Variants in ALDH3A2 observed in about 807,000 individuals in gnomAD.
ALDH3A2 encodes aldehyde dehydrogenase family 3 member A2.
ALDH3A2 carries 36 observed loss-of-function variants against 51.3 expected under a neutral mutation model. That is an observed-to-expected ratio of 0.70 (90% CI 0.54 to 0.93). ALDH3A2 has a LOEUF of 0.93. ALDH3A2 is among the 40% of genes least tolerant of loss of function. ALDH3A2 has a pLI of 0.00. For missense variants in ALDH3A2, 552 were observed against 603.1 expected (o/e 0.92, Z 0.89); for synonymous variants, 199 against 219.8 (o/e 0.91, Z 0.84).
At chr17:19,651,460 A>G in intron 1 of ALDH3A2, 87 bp from the exon 2 acceptor site, 2 of 1,111,174 alleles carry the variant, frequency 1.8e-6, no homozygotes, top group Non-Finnish European at 1.4e-6. Context: ...TTGTCACTAC[A>G]GGTGTACCTG....
intron 3 of ALDH3A2, 120 bp from the exon 4 acceptor site, chr17:19,656,246 A>T: frequency 4.4e-6 from 4 of 906,024 alleles, no homozygotes; most frequent in Non-Finnish European, 7.1e-6. Flanking sequence ...CCTCACAGGG[A>T]CTGGTCTTGA....
At chr17:19,673,125 A>T (rs367995821) in intron 9 of ALDH3A2, 1 of 1,614,006 alleles carries the variant, frequency 6.2e-7, no homozygotes, top group East Asian at 2.2e-5. Flanking sequence ...TACCAGTTGC[A>T]TTTGAAATCA....
rs1445799538 is a variant in ALDH3A2 at position 19,677,273 on chromosome 17, A to G, written c.*1701A>G. ...ATAATTTGTTCTATTAAGGCTGTCT[A>G]AAGTATGTGATGTCTTCATCATAGT... On this transcript the variant is annotated 3_prime_UTR_variant, in exon 10 of 10. Transcript: ENST00000176643. 28 of 152,262 alleles carry G rather than the reference A, an allele frequency of 1.8e-4. No homozygotes were observed. The highest frequency in any genetic ancestry group is 1.8e-3 in the Admixed American group (27 of 15,290). 9.4% of individuals were successfully genotyped at this position (152,262 alleles called of 1,614,324 possible).
chr17:19,670,642 A>G (rs1248691236), intron 8 of ALDH3A2, among the ~76,000 whole-genome samples: 1 of 150,736 alleles, frequency 6.6e-6, no homozygotes, highest in African/African-American at 2.5e-5. Context: ...AGCTCACTGC[A>G]ACCTCCGCCT....
At chr17:19,661,365 A>G in intron 6 of ALDH3A2, 97 bp downstream of exon 6, 1 of 1,402,384 alleles carries the variant, frequency 7.1e-7, no homozygotes, top group Non-Finnish European at 1.0e-6. Flanking sequence ...AATATATAGC[A>G]TTTAATTGTT....
At chr17:19,658,323 A>T (rs111822011) in intron 5 of ALDH3A2, among the ~76,000 whole-genome samples, 1 of 152,320 alleles carries the variant, frequency 6.6e-6, no homozygotes, top group Admixed American at 6.5e-5. Flanking sequence ...TATATAATTA[A>T]CAATCTTTCA....
chr17:19,675,327 T>A, intron 9 of ALDH3A2: 1 of 562,920 alleles, frequency 1.8e-6, no homozygotes, highest in Non-Finnish European at 3.2e-6. Context: ...CATTATCACG[T>A]TGTCTTACTC....
intron 9 of ALDH3A2, 52 bp from the exon 10 acceptor site, chr17:19,675,506 G>A (rs1567609105): frequency 1.3e-6 from 2 of 1,597,236 alleles, no homozygotes; most frequent in Admixed American, 1.7e-5. Flanking sequence ...GCTGGTTGTG[G>A]GTAGGTTTTT....
At chr17:19,656,651 T>A in intron 4 of ALDH3A2, 77 bp downstream of exon 4, 1 of 1,340,970 alleles carries the variant, frequency 7.5e-7, no homozygotes, top group Non-Finnish European at 1.0e-6. Context: ...CTCTTTGTAC[T>A]TGAACCCCAT....
Position 19,675,984 on chromosome 17 carries a change from G to A in ALDH3A2, c.*412G>A. 3.8e-6 allele frequency: 1 copy of A among 263,250 alleles called. No homozygotes were observed. Among genetic ancestry groups the A allele is most frequent in the Non-Finnish European group, 7.4e-6 (1 of 135,816 alleles). 16.3% of individuals were successfully genotyped at this position (263,250 alleles called of 1,614,324 possible). A position where few individuals can be genotyped will look rare whatever the true frequency, so the allele number is the denominator to read the frequency against. ...TTTCAAGAGCTTGGTACTTCCCAGG[G>A]CTACCGGCAGTCCTCTGTAGTCCAG... On this transcript the variant is annotated 3_prime_UTR_variant, in exon 10 of 10. Coordinates refer to ENST00000176643, the MANE Select transcript of ALDH3A2 (RefSeq NM_000382.3).
Position 19,651,732 on chromosome 17 carries a change from C to T in ALDH3A2, c.339C>T (p.Tyr113=), listed in dbSNP as rs1323415229. ...GVVLIIGAWN[Y]PFVLTIQPLI... ...TGCTGATAATCGGAGCTTGGAATTA[C>T]CCCTTCGTTCTCACCATTCAGCCAC... The change falls in exon 2 of 10, where the codon TAC becomes TAT. Residue 113 remains tyrosine, a synonymous_variant. Transcript: ENST00000176643. The T allele has an allele frequency of 1.1e-5, 18 of 1,614,064 alleles. No individual in the cohort carries two copies. The highest frequency in any genetic ancestry group is 1.4e-5 in the Non-Finnish European group (16 of 1,180,042).
rs1169541340 is a variant in ALDH3A2, at chr17:19,649,197, GTTTTGTTTTTGCT to G, written c.153+77_153+89del. On this transcript the variant is annotated intron_variant, in intron 1 of 9. Transcript: ENST00000176643. ...ACTTGTGGACTGGAGCTTCGGCTGG[GTTTTGTTTTTGCT>G]TTTACATTTCGGATTACTCCAGCAC... 5 of 1,516,462 alleles carry G rather than the reference GTTTTGTTTTTGCT, an allele frequency of 3.3e-6. No homozygotes were observed. In the African/African-American group the frequency reaches 6.9e-5, roughly 21 times the overall value. The allele number at this position is 1,516,462 out of a possible 1,614,324, so 93.9% of individuals were successfully genotyped here. A position where few individuals can be genotyped will look rare whatever the true frequency, so the allele number is the denominator to read the frequency against.
chr17:19,668,639 T>C (rs2085071452), intron 8 of ALDH3A2, among the ~76,000 whole-genome samples: 1 of 77,926 alleles, frequency 1.3e-5, no homozygotes, highest in Non-Finnish European at 2.9e-5. Flanking sequence ...AAATATCATC[T>C]GTAGGCTGGG....
intron 8 of ALDH3A2, among the ~76,000 whole-genome samples, chr17:19,670,424 C>G (rs2085096476): frequency 6.6e-6 from 1 of 152,098 alleles, no homozygotes; most frequent in South Asian, 2.1e-4. Context: ...GTTGACCAGG[C>G]TGGAATGCAG....
At chr17:19,651,515 C>T in intron 1 of ALDH3A2, 32 bp from the exon 2 acceptor site, 2 of 1,565,316 alleles carry the variant, frequency 1.3e-6, no homozygotes, top group Non-Finnish European at 1.8e-6. Flanking sequence ...CATACTTACT[C>T]TGCAAGATTA....
rs1323515892 is a variant in ALDH3A2, at chr17:19,676,831, C to T, written c.*1259C>T. On this transcript the variant is annotated 3_prime_UTR_variant, in exon 10 of 10. Coordinates refer to ENST00000176643, the MANE Select transcript of ALDH3A2 (RefSeq NM_000382.3). ...GAGAGATCCCTTTCTGATTAGCCTA[C>T]AGAACTTAAAGTGAGGGAACCATTT... 5.3e-5 allele frequency: 8 copies of T among 152,120 alleles called. No individual in the cohort carries two copies. The highest frequency in any genetic ancestry group is 1.9e-4 in the African/African-American group (8 of 41,410). 9.4% of individuals were successfully genotyped at this position (152,120 alleles called of 1,614,324 possible). A position where few individuals can be genotyped will look rare whatever the true frequency, so the allele number is the denominator to read the frequency against.
At chr17:19,665,127 A>T in intron 8 of ALDH3A2, 80 bp downstream of exon 8, 1 of 1,276,228 alleles carries the variant, frequency 7.8e-7, no homozygotes, top group Non-Finnish European at 1.1e-6. Flanking sequence ...GGGCTGCTGA[A>T]ATAGCCAGCT....
intron 4 of ALDH3A2, 122 bp downstream of exon 4, chr17:19,656,696 GTGGT>G: frequency 1.0e-6 from 1 of 999,018 alleles, no homozygotes; most frequent in Non-Finnish European, 1.5e-6. Flanking sequence ...TTAAGCTTTG[GTGGT>G]TGATGTCCTC....
chr17:19,665,287 G>T (rs887642748), intron 8 of ALDH3A2, among the ~76,000 whole-genome samples: 4 of 151,666 alleles, frequency 2.6e-5, no homozygotes, highest in Non-Finnish European at 5.9e-5. Flanking sequence ...CCACAGCTTT[G>T]TTCACTTCGT....
Sources: allele counts gnomAD v4.1 joint callset (sites outside exome capture counted in the v4.1 genomes callset), GRCh38; gene constraint gnomAD v4.1.1; transcripts MANE v1.5; gene names NCBI Gene and HGNC (gene_info 2026-07-23, HGNC 2026-07-21).